Variants in MAP3K5 observed in about 807,000 individuals in gnomAD.
The protein encoded by MAP3K5 is mitogen-activated protein kinase kinase kinase 5, also known as ASK-1.
MAP3K5 carries 56 observed loss-of-function variants against 158.7 expected under a neutral mutation model. The ratio of observed to expected loss-of-function variants is 0.35; its 90% CI spans 0.28 to 0.44. The LOEUF is 0.44. Among genes scored for constraint, MAP3K5 ranks in the 20% least tolerant of loss-of-function variants. The pLI is 1.00. For missense variants in MAP3K5, 1,294 were observed against 1,674.8 expected (o/e 0.77, Z 3.97); for synonymous variants, 579 against 601.7 (o/e 0.96, Z 0.55).
At chr6:136,701,091 G>C (rs1780835301) in intron 3 of MAP3K5, among the ~76,000 whole-genome samples, 1 of 152,156 alleles carries the variant, frequency 6.6e-6, no homozygotes, top group Non-Finnish European at 1.5e-5. Flanking sequence ...GACAGGTAAG[G>C]CTTAGAGAGA....
intron 7 of MAP3K5, among the ~76,000 whole-genome samples, chr6:136,690,038 T>C (rs1780322113): frequency 6.6e-6 from 1 of 152,080 alleles, no homozygotes; most frequent in African/African-American, 2.4e-5. Flanking sequence ...TCATACTAAG[T>C]ACAAAAGAAT....
chr6:136,695,289 T>G (rs567797650), intron 6 of MAP3K5, among the ~76,000 whole-genome samples: 114 of 152,034 alleles, frequency 7.5e-4, no homozygotes, highest in African/African-American at 2.6e-3. Context: ...AGGTGCACAC[T>G]GCCACACCTG....
chr6:136,669,884 GGTGTGTGT>G (rs60778677), intron 7 of MAP3K5, among the ~76,000 whole-genome samples: 105 of 144,494 alleles, frequency 7.3e-4, no homozygotes, highest in South Asian at 1.4e-3. Flanking sequence ...CATCATTCAG[GGTGTGTGT>G]GTGTGTGTGT....
intron 15 of MAP3K5, among the ~76,000 whole-genome samples, chr6:136,618,527 C>T (rs552663645): frequency 5.9e-5 from 9 of 152,302 alleles, no homozygotes; most frequent in Middle Eastern, 6.8e-3. Context: ...TGAGTTTCTT[C>T]CAAGTGTTCA....
intron 11 of MAP3K5, among the ~76,000 whole-genome samples, chr6:136,650,307 T>C (rs971848759): frequency 4.9e-4 from 75 of 152,246 alleles, no homozygotes; most frequent in African/African-American, 1.6e-3. Flanking sequence ...CTCATTTCTG[T>C]TGGTTTATCC....
intron 12 of MAP3K5, 31 bp downstream of exon 12, chr6:136,642,489 T>C (rs138518913): frequency 2.6e-6 from 4 of 1,529,902 alleles, no homozygotes; most frequent in Non-Finnish European, 3.6e-6. Context: ...AAATGTCTTA[T>C]AAGTTAACAA....
chr6:136,736,696 T>A (rs1400689024), intron 1 of MAP3K5, among the ~76,000 whole-genome samples: 2 of 152,054 alleles, frequency 1.3e-5, no homozygotes, highest in African/African-American at 4.8e-5. Context: ...GGAAAACTAA[T>A]GTTGTTGTTT....
chr6:136,614,396 C>T lies in MAP3K5; in HGVS notation c.2151-110G>A. The stretch of plus-strand genomic sequence containing the variant: ...GCCAAATATATGTCCATATGTAAAA[C>T]CAAAACAACCACTTAAGGCCTTTAT... On this transcript the variant is annotated intron_variant, in intron 15 of 29. Transcript: ENST00000359015. 19 of 1,188,686 alleles carry T rather than the reference C, an allele frequency of 1.6e-5. 1 individual carries two copies. The highest frequency in any genetic ancestry group is 2.3e-5 in the Non-Finnish European group (19 of 843,216). 73.6% of individuals were successfully genotyped at this position (1,188,686 alleles called of 1,614,324 possible).
intron 1 of MAP3K5, among the ~76,000 whole-genome samples, chr6:136,755,888 A>ATTCT (rs1245346178): frequency 6.6e-6 from 1 of 152,120 alleles, no homozygotes; most frequent in Non-Finnish European, 1.5e-5. Context: ...AGTCAGGGTG[A>ATTCT]CTAGAGAGAA....
chr6:136,685,912 A>G (rs1171782984), intron 7 of MAP3K5, among the ~76,000 whole-genome samples: 1 of 152,204 alleles, frequency 6.6e-6, no homozygotes, highest in African/African-American at 2.4e-5. Flanking sequence ...TTGACAGGGC[A>G]GGTTTCCTTC....
At chr6:136,769,827 GAGGGA>G (rs1489199115) in intron 1 of MAP3K5, among the ~76,000 whole-genome samples, 54 of 61,670 alleles carry the variant, frequency 8.8e-4, no homozygotes, top group South Asian at 3.0e-3. Context: ...GGGAGGGAGG[GAGGGA>G]AGGGAGGGAG....
At chr6:136,722,871 T>G (rs1455949905) in intron 1 of MAP3K5, among the ~76,000 whole-genome samples, 1 of 151,786 alleles carries the variant, frequency 6.6e-6, no homozygotes, top group Non-Finnish European at 1.5e-5. Flanking sequence ...AAATTTTTTG[T>G]AAACACAGGT....
rs978471337 is a variant in MAP3K5, at chr6:136,557,621, T to G, written c.*137A>C. 1.0e-5 allele frequency: 6 copies of G among 587,038 alleles called. No homozygotes were observed. Among genetic ancestry groups the G allele is most frequent in the African/African-American group, 9.4e-5 (5 of 53,106 alleles). 36.4% of individuals were successfully genotyped at this position (587,038 alleles called of 1,614,324 possible). On this transcript the variant is annotated 3_prime_UTR_variant, in exon 30 of 30. Transcript: ENST00000359015. ...TTCAGTGTGTTTTGTCTGTTTTTTT[T>G]TTTTTTAACATGAGTAAACAAATAC... is the stretch of plus-strand genomic sequence containing the variant.
intron 26 of MAP3K5, among the ~76,000 whole-genome samples, chr6:136,566,446 G>A (rs1487714934): frequency 6.6e-6 from 1 of 152,224 alleles, no homozygotes. Flanking sequence ...GGGCAACAGA[G>A]AGTAACCTAG....
intron 7 of MAP3K5, among the ~76,000 whole-genome samples, chr6:136,671,223 T>A (rs1354698826): frequency 1.3e-5 from 2 of 152,174 alleles, no homozygotes; most frequent in African/African-American, 4.8e-5. Context: ...TGAAGACATA[T>A]CGAAATGAAT....
intron 8 of MAP3K5, among the ~76,000 whole-genome samples, chr6:136,659,816 G>A (rs1018471317): frequency 6.6e-6 from 1 of 152,194 alleles, no homozygotes; most frequent in African/African-American, 2.4e-5. Context: ...GCGTAACAGT[G>A]CGAATGTTCT....
intron 1 of MAP3K5, among the ~76,000 whole-genome samples, chr6:136,752,864 G>C (rs1198953479): frequency 6.6e-6 from 1 of 152,146 alleles, no homozygotes; most frequent in Non-Finnish European, 1.5e-5. Context: ...GGGTCAGGCT[G>C]CAAGTGCAAA....
intron 18 of MAP3K5, among the ~76,000 whole-genome samples, chr6:136,606,091 G>A (rs1258507143): frequency 8.5e-5 from 13 of 152,204 alleles, no homozygotes; most frequent in African/African-American, 2.7e-4. Context: ...GGTGGCTCAC[G>A]CCTGTAATCC....
At position 136,637,105 on chromosome 6, in the gene MAP3K5, A is replaced by G. The variant is rs1437608330; in HGVS notation, c.2016+220T>C. 6 of 1,395,980 alleles carry G rather than the reference A, an allele frequency of 4.3e-6. No homozygotes were observed. The Admixed American group carries it at 1.8e-4, about 43-fold the overall frequency. The allele number at this position is 1,395,980 out of a possible 1,614,324, so 86.5% of individuals were successfully genotyped here. On this transcript the variant is annotated intron_variant, in intron 14 of 29. Coordinates refer to ENST00000359015, the MANE Select transcript of MAP3K5 (RefSeq NM_005923.4). ...AAAGCATAGTTACTCGCTATCAGGT[A>G]AGTAAAATGCTAACGCTTGGTGCTG...
Sources: allele counts gnomAD v4.1 joint callset (sites outside exome capture counted in the v4.1 genomes callset), GRCh38; gene constraint gnomAD v4.1.1; transcripts MANE v1.5; gene names NCBI Gene and HGNC (gene_info 2026-07-23, HGNC 2026-07-21).